The following SMYD3 variants were observed in gnomAD, a reference collection of about 807,000 sequenced individuals.
SMYD3 encodes SET and MYND domain containing 3, also known as histone-lysine N-methyltransferase SMYD3.
Under a neutral mutation model 57.7 loss-of-function variants are expected in SMYD3, and 36 were observed. The ratio of observed to expected loss-of-function variants is 0.62; its 90% confidence interval spans 0.48 to 0.82. The LOEUF (loss-of-function observed/expected upper bound fraction) is 0.82, where lower values mean the gene tolerates loss of function less well. SMYD3 is among the 40% of genes least tolerant of loss of function. SMYD3 has a pLI of 0.00. For missense variants in SMYD3, 515 were observed against 538.8 expected, an observed-to-expected ratio of 0.96 and a Z score of 0.44; for synonymous variants, 211 against 195.0, an observed-to-expected ratio of 1.08 and a Z score of -0.68.
Position 245,835,780 on chromosome 1 carries a change from A to C in SMYD3, c.1076+22716T>G, listed in dbSNP as rs535608901. Reference sequence around the variant, plus strand: ...GGGATCATTAGGAAAAACAGGTATCAGCGCCCTGATGCAAGTCCTTCTGAA... The same window carrying C: ...GGGATCATTAGGAAAAACAGGTATCCGCGCCCTGATGCAAGTCCTTCTGAA... On this transcript the variant is annotated intron_variant, in intron 10 of 11. Transcript: ENST00000490107. 3.3e-5 allele frequency among the ~76,000 whole-genome samples: 5 copies of C among 152,356 alleles called. No individual in the cohort carries two copies. In the East Asian group the frequency reaches 7.7e-4, roughly 24 times the overall value.
intron 5 of SMYD3, among the ~76,000 whole-genome samples, chr1:246,198,082 C>T (rs2062853489): frequency 6.6e-6 from 1 of 152,162 alleles, no homozygotes; most frequent in Admixed American, 6.5e-5. Flanking sequence ...CTAACACGGG[C>T]CCATTCTGAC....
At chr1:245,937,249 T>G (rs2057025301) in intron 5 of SMYD3, among the ~76,000 whole-genome samples, 2 of 152,206 alleles carry the variant, frequency 1.3e-5, no homozygotes, top group South Asian at 4.1e-4. Flanking sequence ...TCATAAGGAA[T>G]GGCAATCATA....
chr1:245,753,154 T>C (rs2148009799), intron 11 of SMYD3, among the ~76,000 whole-genome samples: 1 of 151,538 alleles, frequency 6.6e-6, no homozygotes. Context: ...GTGTGTAGAG[T>C]CTGAGATACT....
intron 1 of SMYD3, among the ~76,000 whole-genome samples, chr1:246,421,203 T>C (rs1364089246): frequency 1.3e-5 from 2 of 152,230 alleles, no homozygotes; most frequent in Non-Finnish European, 2.9e-5. Flanking sequence ...TAACATTATA[T>C]TATGTTTCAT....
intron 5 of SMYD3, chr1:246,053,166 G>A (rs1014406700): frequency 2.6e-5 from 4 of 152,064 alleles, no homozygotes; most frequent in Admixed American, 2.0e-4. Context: ...GATCGCTTGA[G>A]CCCTGGAGGT....
At chr1:246,270,867 A>G (rs1398715368) in intron 5 of SMYD3, among the ~76,000 whole-genome samples, 1 of 152,200 alleles carries the variant, frequency 6.6e-6, no homozygotes, top group Non-Finnish European at 1.5e-5. Context: ...CAGTAATTCT[A>G]TTTTTAAATT....
chr1:246,391,366 C>T (rs952571409), intron 1 of SMYD3, among the ~76,000 whole-genome samples: 8 of 139,748 alleles, frequency 5.7e-5, no homozygotes, highest in South Asian at 4.6e-4. Flanking sequence ...AGAAACAAAG[C>T]GAGACCTTAT....
chr1:246,494,359 CT>C (rs1051508669), intron 1 of SMYD3, among the ~76,000 whole-genome samples: 19 of 151,652 alleles, frequency 1.3e-4, no homozygotes, highest in African/African-American at 3.1e-4. Context: ...GGTATCATGA[CT>C]TTTTTTTTAT....
chr1:246,046,645 A>G (rs1240255145), intron 5 of SMYD3, among the ~76,000 whole-genome samples: 2 of 147,662 alleles, frequency 1.4e-5, no homozygotes, highest in African/African-American at 2.5e-5. Flanking sequence ...TATATAAAAT[A>G]TATATATTTT....
At chr1:246,259,266 T>C (rs2063955625) in intron 5 of SMYD3, among the ~76,000 whole-genome samples, 1 of 152,202 alleles carries the variant, frequency 6.6e-6, no homozygotes, top group Non-Finnish European at 1.5e-5. Flanking sequence ...CCTTTGGTGG[T>C]GTTACTACAT....
In SMYD3 at chr1:246,175,874, T is replaced by C. The variant is rs144727146; in HGVS notation, c.531+151327A>G. On this transcript the variant is annotated intron_variant, in intron 5 of 11. Coordinates refer to ENST00000490107, the MANE Select transcript of SMYD3 (RefSeq NM_001167740.2). ...GTAGCCATGAATTCCAAGTATATTATACTGTGCAGACACAGAATAAAAACT... is the reference window on the plus strand; with the variant it reads ...GTAGCCATGAATTCCAAGTATATTACACTGTGCAGACACAGAATAAAAACT... Among the ~76,000 whole-genome samples the C allele has an allele frequency of 2.7e-3, 417 of 152,340 alleles. 2 individuals carry two copies. Among genetic ancestry groups the C allele is most frequent in the African/African-American group, 9.3e-3 (385 of 41,572 alleles).
chr1:246,253,860 T>C (rs941293554), intron 5 of SMYD3, among the ~76,000 whole-genome samples: 2 of 152,220 alleles, frequency 1.3e-5, no homozygotes, highest in Admixed American at 6.5e-5. Context: ...TTTGGATATG[T>C]ATCCATTAAT....
chr1:245,956,070 G>C (rs1279441100), intron 5 of SMYD3: 3 of 983,174 alleles, frequency 3.1e-6, no homozygotes, highest in Admixed American at 6.2e-5. Flanking sequence ...TATACAAATA[G>C]ATAACATTAT....
At chr1:245,950,790 A>G (rs1347304181) in intron 5 of SMYD3, among the ~76,000 whole-genome samples, 1 of 152,226 alleles carries the variant, frequency 6.6e-6, no homozygotes, top group Non-Finnish European at 1.5e-5. Context: ...ATGCTCAGTT[A>G]AGCAGTGCCA....
At chr1:246,219,430 C>T (rs2148416910) in intron 5 of SMYD3, among the ~76,000 whole-genome samples, 1 of 152,224 alleles carries the variant, frequency 6.6e-6, no homozygotes, top group South Asian at 2.1e-4. Flanking sequence ...CCTGCCCCAT[C>T]CCCTTTTCAG....
At chr1:246,057,318 T>A (rs1226973958) in intron 5 of SMYD3, among the ~76,000 whole-genome samples, 1 of 152,204 alleles carries the variant, frequency 6.6e-6, no homozygotes, top group Non-Finnish European at 1.5e-5. Context: ...TAGAGTTACA[T>A]GCAGAACTGA....
At position 245,810,368 on chromosome 1, in the gene SMYD3, G is replaced by A. The variant is rs144980997; in HGVS notation, c.1077-46219C>T. Among the ~76,000 whole-genome samples, 14 of 152,292 alleles carry A rather than the reference G, an allele frequency of 9.2e-5. No homozygotes were observed. The East Asian group carries it at 2.1e-3, about 23-fold the overall frequency. On this transcript the variant is annotated intron_variant, in intron 10 of 11. Coordinates refer to ENST00000490107, the MANE Select transcript of SMYD3 (RefSeq NM_001167740.2). ...TGGGGATGACCCCCATGACTCTGGC[G>A]CCCTGAGGCAGGGCACCTGTTTCAG... is the stretch of plus-strand genomic sequence containing the variant.
intron 5 of SMYD3, among the ~76,000 whole-genome samples, chr1:245,961,427 T>TA (rs1452435661): frequency 2.6e-5 from 4 of 152,052 alleles, no homozygotes; most frequent in Non-Finnish European, 2.9e-5. Context: ...CCTTTCACCC[T>TA]AAAATATCAG....
chr1:245,983,104 C>T (rs1558557735), intron 5 of SMYD3, among the ~76,000 whole-genome samples: 1 of 152,308 alleles, frequency 6.6e-6, no homozygotes, highest in East Asian at 1.9e-4. Flanking sequence ...ATGCTACCAG[C>T]TGAGAAGACC....
Sources: gnomAD v4.1 joint callset for allele counts (sites outside exome capture counted in the v4.1 genomes callset) on GRCh38, gnomAD v4.1.1 for gene constraint, MANE v1.5 for transcripts, NCBI Gene and HGNC (gene_info 2026-07-23, HGNC 2026-07-21) for gene names.